Variants in CCL28 observed in about 807,000 individuals in gnomAD.
CCL28 encodes the protein C-C motif chemokine ligand 28.
Under a neutral mutation model 7.1 loss-of-function variants are expected in CCL28, and 4 were observed. That is an observed-to-expected ratio of 0.56 (90% CI 0.28 to 1.29). CCL28 has a LOEUF of 1.29. Among genes scored for constraint, CCL28 ranks in the 50% most tolerant of loss-of-function variants. The pLI, the probability that CCL28 is intolerant of heterozygous loss-of-function variation, is 0.11. For missense variants in CCL28, 151 were observed against 163.4 expected (o/e 0.92, Z 0.41); for synonymous variants, 55 against 57.8 (o/e 0.95, Z 0.22).
chr5:43,381,899 C>T lies in CCL28; in HGVS notation c.345G>A (p.Gln115=). ...TATGGCCGTATGTTTCGTGTTTCCC[C>T]TGATGTGCCCTGTTACTGTTCCTCT... The part of the protein sequence containing the change: ...HGKRNSNRAH[Q]GKHETYGHKT... Residue 115 remains glutamine (Q), a synonymous_variant, in exon 3 of 3, where the codon CAG becomes CAA. Coordinates refer to ENST00000361115, the MANE Select transcript of CCL28 (RefSeq NM_148672.3). The T allele has an allele frequency of 2.5e-6, 4 of 1,614,096 alleles. No individual in the cohort carries two copies. The highest frequency in any genetic ancestry group is 3.4e-6 in the Non-Finnish European group (4 of 1,179,986).
the CCL28 span, among the ~76,000 whole-genome samples, chr5:43,367,818 C>T: frequency 6.6e-6 from 1 of 152,254 alleles, no homozygotes; most frequent in Non-Finnish European, 1.5e-5. Context: ...ATTTGGCTAT[C>T]TTGCCCGCAA....
the CCL28 span, among the ~76,000 whole-genome samples, chr5:43,362,008 AAT>A: frequency 6.6e-6 from 1 of 152,100 alleles, no homozygotes; most frequent in African/African-American, 2.4e-5. Flanking sequence ...TGAATTTTAA[AAT>A]AGTTTTTTTT....
intron 1 of CCL28, among the ~76,000 whole-genome samples, chr5:43,409,080 C>T (rs547354878): frequency 6.6e-5 from 10 of 152,028 alleles, no homozygotes; most frequent in African/African-American, 2.4e-4. Flanking sequence ...GAGTTCAAGA[C>T]CAGTCTGGGC....
the CCL28 span, among the ~76,000 whole-genome samples, chr5:43,366,855 G>T: frequency 1.3e-5 from 2 of 152,240 alleles, no homozygotes; most frequent in African/African-American, 4.8e-5. Flanking sequence ...CAGAGAGGAG[G>T]AGTCTAGAGA....
At chr5:43,401,476 A>C (rs1240455092) in intron 1 of CCL28, among the ~76,000 whole-genome samples, 1 of 152,168 alleles carries the variant, frequency 6.6e-6, no homozygotes, top group Non-Finnish European at 1.5e-5. Context: ...GCATGTGGAG[A>C]CTACCAGGTT....
chr5:43,368,469 A>G, the CCL28 span, among the ~76,000 whole-genome samples: 1 of 152,204 alleles, frequency 6.6e-6, no homozygotes, highest in Admixed American at 6.5e-5. Flanking sequence ...ATGGAATATG[A>G]GGGGAGGTGC....
At chr5:43,385,465 TG>T (rs1449908203) in intron 2 of CCL28, among the ~76,000 whole-genome samples, 20 of 152,362 alleles carry the variant, frequency 1.3e-4, no homozygotes, top group Admixed American at 1.2e-3. Context: ...CAATGCTTTC[TG>T]CATCTTAAAC....
chr5:43,369,059 AGAGAGAGAGAGAGAGAG>A, the CCL28 span, among the ~76,000 whole-genome samples: 1 of 134,972 alleles, frequency 7.4e-6, no homozygotes, highest in African/African-American at 3.4e-5. Context: ...AGAGAGAGAG[AGAGAGAGAGAGAGAGAG>A]AGAGAGAGAA....
the CCL28 span, among the ~76,000 whole-genome samples, chr5:43,368,114 C>G: frequency 6.6e-6 from 1 of 152,182 alleles, no homozygotes. Context: ...ATTGCTTAAT[C>G]TCTCTGAACC....
chr5:43,390,161 G>T (rs1458247895), intron 1 of CCL28, among the ~76,000 whole-genome samples: 2 of 152,140 alleles, frequency 1.3e-5, no homozygotes, highest in Non-Finnish European at 2.9e-5. Flanking sequence ...TGTTGGAGAG[G>T]TTGTTGGGGA....
Position 43,381,879 on chromosome 5 carries a change from C to A in CCL28, c.365G>T (p.Gly122Val), listed in dbSNP as rs536619886. ...RAHQGKHETY[G>V]HKTPY ...GACTCTCTAATAAGGAGTTTTATGG[C>A]CGTATGTTTCGTGTTTCCCCTGATG... is the stretch of plus-strand genomic sequence containing the variant. The change falls in exon 3 of 3, where the codon GGC (glycine) becomes GTC (valine). Residue 122 changes from glycine (G) to valine (V), a missense_variant. Gly to Val is a moderately radical substitution (Grantham distance 109). Transcript: ENST00000361115. The A allele has an allele frequency of 1.9e-6, 3 of 1,613,636 alleles. No individual in the cohort carries two copies. The South Asian group carries it at 3.3e-5, about 18-fold the overall frequency.
rs191714987 is a variant in CCL28 at position 43,382,905 on chromosome 5, G to A, written c.192-853C>T. ...ATGATCTCGGCTCACTGCAACTTCC[G>A]TCTCCCGGGTTCAAGTGATTCTTCT... On this transcript the variant is annotated intron_variant, in intron 2 of 2. Coordinates refer to ENST00000361115, the MANE Select transcript of CCL28 (RefSeq NM_148672.3). Among the ~76,000 whole-genome samples the A allele has an allele frequency of 2.7e-3, 417 of 151,714 alleles. 3 individuals carry two copies. The highest frequency in any genetic ancestry group is 4.5e-3 in the Admixed American group (68 of 15,222).
downstream of CCL28, among the ~76,000 whole-genome samples, chr5:43,374,837 T>G (rs957389647): frequency 1.3e-5 from 2 of 151,768 alleles, no homozygotes; most frequent in Non-Finnish European, 2.9e-5. Flanking sequence ...ATACTACATT[T>G]AGGTCATCTT....
intron 1 of CCL28, among the ~76,000 whole-genome samples, chr5:43,392,688 G>A (rs1042249267): frequency 2.0e-5 from 3 of 152,074 alleles, no homozygotes; most frequent in Non-Finnish European, 4.4e-5. Flanking sequence ...CAATCTGATG[G>A]GGTTGAAATT....
At chr5:43,360,715 C>T in the CCL28 span, among the ~76,000 whole-genome samples, 8,614 of 152,158 alleles carry the variant, frequency 0.057, 529 homozygotes, top group African/African-American at 0.16. Context: ...CTATTGGCCA[C>T]ATGTATGTCT....
intron 1 of CCL28, among the ~76,000 whole-genome samples, chr5:43,407,262 C>T (rs776507008): frequency 1.3e-5 from 2 of 152,142 alleles, no homozygotes; most frequent in Non-Finnish European, 2.9e-5. Flanking sequence ...GCTACAGTAG[C>T]CAAAACAGCA....
chr5:43,409,566 A>C (rs1741450243), intron 1 of CCL28, among the ~76,000 whole-genome samples: 1 of 152,154 alleles, frequency 6.6e-6, no homozygotes, highest in Non-Finnish European at 1.5e-5. Context: ...TATTCGTGGT[A>C]ACCTTCCCTA....
chr5:43,366,018 C>T, the CCL28 span, among the ~76,000 whole-genome samples: 37 of 152,274 alleles, frequency 2.4e-4, no homozygotes, highest in East Asian at 5.0e-3. Flanking sequence ...TCCTTCAGGT[C>T]ATTTATGTTC....
Position 43,382,062 on chromosome 5 carries a change from A to C in CCL28, c.192-10T>G. The C allele has an allele frequency of 6.3e-7, 1 of 1,597,668 alleles. No homozygotes were observed. The highest frequency in any genetic ancestry group is 8.5e-7 in the Non-Finnish European group (1 of 1,171,766). On this transcript the variant is annotated splice_polypyrimidine_tract_variant and intron_variant, in intron 2 of 2. Transcript: ENST00000361115. ...GCGCTTGACATGAAGGCTGTTAGAA[A>C]AGGAAGCAAAAGAAAGTCACTGATA...
Sources: gnomAD v4.1 joint callset for allele counts (sites outside exome capture counted in the v4.1 genomes callset) on GRCh38, gnomAD v4.1.1 for gene constraint, MANE v1.5 for transcripts, NCBI Gene and HGNC (gene_info 2026-07-23, HGNC 2026-07-21) for gene names.